Variants in KIF5C observed in about 807,000 individuals in gnomAD.
The protein encoded by KIF5C is kinesin heavy chain isoform 5C.
In KIF5C, 18 loss-of-function variants were observed where a neutral mutation model predicts 125.2. The observed-to-expected ratio is 0.14, with a 90% CI of 0.10 to 0.21. KIF5C has a LOEUF of 0.21. Ranked by LOEUF, KIF5C falls within the 10% of genes least tolerant of loss-of-function variation. The pLI is 1.00. For missense variants in KIF5C, 780 were observed against 1,183.8 expected (o/e 0.66, Z 5.01); for synonymous variants, 405 against 434.0 (o/e 0.93, Z 0.83).
intron 25 of KIF5C, among the ~76,000 whole-genome samples, chr2:149,017,393 T>G (rs1168986880): frequency 6.6e-6 from 1 of 152,160 alleles, no homozygotes; most frequent in Admixed American, 6.5e-5. Context: ...GGTCTCGCTC[T>G]TGAGACCAGA....
chr2:148,957,656 A>AGT (rs1291627141), intron 10 of KIF5C, among the ~76,000 whole-genome samples: 1 of 150,370 alleles, frequency 6.7e-6, no homozygotes, highest in Non-Finnish European at 1.5e-5. Flanking sequence ...TATCTCTCTT[A>AGT]GTAACCCTAG....
At chr2:149,015,610 T>C (rs1414501866) in intron 25 of KIF5C, among the ~76,000 whole-genome samples, 27 of 152,218 alleles carry the variant, frequency 1.8e-4, no homozygotes, top group Admixed American at 1.6e-3. Context: ...CCTATGAAGA[T>C]GCCAATATAC....
intron 25 of KIF5C, among the ~76,000 whole-genome samples, chr2:149,011,936 G>T (rs955353245): frequency 6.6e-6 from 1 of 152,218 alleles, no homozygotes; most frequent in Admixed American, 6.5e-5. Flanking sequence ...CCAGGGGTAG[G>T]GGTGGTGAGT....
At chr2:149,020,042 A>T (rs1272736931) in intron 25 of KIF5C, 1 of 152,278 alleles carries the variant, frequency 6.6e-6, no homozygotes, top group Non-Finnish European at 1.5e-5. Context: ...AAGAGAGTCA[A>T]CAGGACTGGG....
intron 11 of KIF5C, among the ~76,000 whole-genome samples, chr2:148,967,159 G>C (rs1403357535): frequency 1.3e-5 from 2 of 152,184 alleles, no homozygotes; most frequent in Non-Finnish European, 1.5e-5. Context: ...ATAACTCCGG[G>C]CATGTGCATG....
chr2:148,888,417 GC>G (rs1681613891), intron 1 of KIF5C: 1 of 152,220 alleles, frequency 6.6e-6, no homozygotes, highest in Non-Finnish European at 1.5e-5. Flanking sequence ...CCATTAGGGG[GC>G]CCTGTGGTGG....
chr2:148,892,445 C>T (rs1021200088), intron 1 of KIF5C, among the ~76,000 whole-genome samples: 5 of 152,176 alleles, frequency 3.3e-5, no homozygotes, highest in East Asian at 1.9e-4. Flanking sequence ...AGTTTGGGAA[C>T]GACTATAGGA....
Position 148,875,575 on chromosome 2 carries a change from G to GGCCCCCCCCCCAACCCCACCC in KIF5C, c.-43_-42insGCCCCCCCCCCAACCCCACCC. 1.4e-6 allele frequency: 1 copy of GGCCCCCCCCCCAACCCCACCC among 699,606 alleles called. No homozygotes were observed. Among genetic ancestry groups the GGCCCCCCCCCCAACCCCACCC allele is most frequent in the East Asian group, 3.0e-5 (1 of 33,466 alleles). The allele number at this position is 699,606 out of a possible 1,614,324, so 43.3% of individuals were successfully genotyped here. A position where few individuals can be genotyped will look rare whatever the true frequency, so the allele number is the denominator to read the frequency against. On this transcript the variant is annotated 5_prime_UTR_variant, in exon 1 of 26. Coordinates refer to ENST00000435030, the MANE Select transcript of KIF5C (RefSeq NM_004522.3). ...TCCTCCCTCGTCGTTCCCGGCCCCG[G>GGCCCCCCCCCCAACCCCACCC]CCCCCCACCCATCCCCGTGCCCCCT...
At chr2:148,994,288 C>A in intron 16 of KIF5C, 133 bp from the exon 17 acceptor site, 2 of 1,232,586 alleles carry the variant, frequency 1.6e-6, no homozygotes, top group Non-Finnish European at 1.1e-6. Context: ...GTAAAATGGG[C>A]ACCATTTGGT....
At chr2:148,899,928 T>A (rs1680829804) in intron 1 of KIF5C, among the ~76,000 whole-genome samples, 1 of 152,156 alleles carries the variant, frequency 6.6e-6, no homozygotes, top group Non-Finnish European at 1.5e-5. Flanking sequence ...CAGAATGATT[T>A]CAGATCTCAT....
intron 8 of KIF5C, 122 bp downstream of exon 8, chr2:148,947,145 C>A: frequency 2.9e-6 from 4 of 1,392,768 alleles, no homozygotes; most frequent in South Asian, 1.6e-5. Context: ...GTTTCTGAGG[C>A]TCTGCCAAGG....
At chr2:149,017,955 G>A (rs867079298) in intron 25 of KIF5C, among the ~76,000 whole-genome samples, 1 of 152,130 alleles carries the variant, frequency 6.6e-6, no homozygotes, top group East Asian at 1.9e-4. Flanking sequence ...ATGCGACCCC[G>A]GAGTGCGTTG....
chr2:148,978,001 C>G (rs1574807138), intron 12 of KIF5C, among the ~76,000 whole-genome samples: 1 of 152,268 alleles, frequency 6.6e-6, no homozygotes, highest in East Asian at 1.9e-4. Flanking sequence ...CAAGGATGCT[C>G]AATTGAATCT....
chr2:148,997,002 C>T (rs1040742127), intron 17 of KIF5C, among the ~76,000 whole-genome samples: 11 of 152,102 alleles, frequency 7.2e-5, no homozygotes, highest in South Asian at 2.1e-4. Flanking sequence ...CTAGGAGGGC[C>T]GCCCCCAGTG....
chr2:148,891,265 T>C (rs946006433), intron 1 of KIF5C, among the ~76,000 whole-genome samples: 1 of 152,198 alleles, frequency 6.6e-6, no homozygotes, highest in African/African-American at 2.4e-5. Flanking sequence ...CCAGAAGATG[T>C]AATTTATTCA....
Position 148,946,105 on chromosome 2 carries a change from A to G in KIF5C, c.590-794A>G, listed in dbSNP as rs560907185. Among the ~76,000 whole-genome samples the G allele has an allele frequency of 6.4e-4, 97 of 152,174 alleles. 2 individuals carry two copies. The highest frequency in any genetic ancestry group is 3.5e-3 in the South Asian group (17 of 4,820). On this transcript the variant is annotated intron_variant, in intron 7 of 25. Transcript: ENST00000435030. Reference sequence around the variant, plus strand: ...GTTTTCTTAATTTTTTGGGTTGTTCATTGTTAGTATATAGAAATGCAACTG... The same window carrying G: ...GTTTTCTTAATTTTTTGGGTTGTTCGTTGTTAGTATATAGAAATGCAACTG...
At chr2:148,995,681 T>C (rs1211409000) in intron 17 of KIF5C, among the ~76,000 whole-genome samples, 1 of 152,242 alleles carries the variant, frequency 6.6e-6, no homozygotes, top group Admixed American at 6.5e-5. Context: ...TGCAGAATTT[T>C]AGATCAGCAA....
chr2:148,931,036 C>T (rs1682171860), intron 3 of KIF5C, among the ~76,000 whole-genome samples: 1 of 152,138 alleles, frequency 6.6e-6, no homozygotes, highest in South Asian at 2.1e-4. Flanking sequence ...AAACTCCCTC[C>T]TAGGTCAGAT....
chr2:149,000,205 A>G, intron 19 of KIF5C: 1 of 458,326 alleles, frequency 2.2e-6, no homozygotes, highest in South Asian at 6.8e-5. Context: ...ACATCCTCAA[A>G]GCCTTATGTT....
Sources: gnomAD v4.1 joint callset for allele counts (sites outside exome capture counted in the v4.1 genomes callset) on GRCh38, gnomAD v4.1.1 for gene constraint, MANE v1.5 for transcripts, NCBI Gene and HGNC (gene_info 2026-07-23, HGNC 2026-07-21) for gene names.